The following HSPA4 variants were observed in gnomAD, a reference collection of about 807,000 sequenced individuals.
HSPA4 encodes the protein heat shock protein family A (Hsp70) member 4, also known as heat shock 70 kDa protein 4.
Under a neutral mutation model 106.2 loss-of-function variants are expected in HSPA4, and 25 were observed. The ratio of observed to expected loss-of-function variants is 0.24; its 90% CI spans 0.17 to 0.33. The LOEUF is 0.33. Ranked by LOEUF, HSPA4 falls within the 10% of genes least tolerant of loss-of-function variation. The pLI is 1.00. For synonymous variants in HSPA4, 332 were observed against 333.6 expected (o/e 1.00, Z 0.05); for missense variants, 841 against 996.0 (o/e 0.84, Z 2.10).
chr5:133,073,249 A>G lies in HSPA4; in HGVS notation c.449A>G (p.Asp150Gly), dbSNP rs1375295880. The G allele has an allele frequency of 3.7e-6, 6 of 1,605,178 alleles. No homozygotes were observed. The East Asian group carries it at 1.3e-4, about 36-fold the overall frequency. Residue 150 changes from aspartate to glycine, a missense_variant, in exon 5 of 19, where the codon GAT becomes GGT. Asp to Gly is a moderately conservative substitution (Grantham distance 94). Coordinates refer to ENST00000304858, the MANE Select transcript of HSPA4 (RefSeq NM_002154.4). Reference protein sequence around the residue: ...CVVSVPCFYTDAERRSVMDAT... With the variant: ...CVVSVPCFYTGAERRSVMDAT... ...TTGTAGGTTCCTTGTTTCTATACTG[A>G]TGCAGAAAGACGATCAGTGATGGAT...
At position 133,106,125 on chromosome 5, in the gene HSPA4, T is replaced by TGGGG. The variant is rs1281039975; in HGVS notation, c.*1689_*1690insGGGG. On this transcript the variant is annotated 3_prime_UTR_variant, in exon 19 of 19. Coordinates refer to ENST00000304858, the MANE Select transcript of HSPA4 (RefSeq NM_002154.4). ...AAATTTTTTTTTTTTTTTTTTTTTT[T>TGGGG]TTTTTTTTTTTTTTTGGTGTGTGTG... 2.4e-5 allele frequency: 2 copies of TGGGG among 81,824 alleles called. No individual in the cohort carries two copies. The highest frequency in any genetic ancestry group is 6.3e-5 in the African/African-American group (1 of 15,972). 5.1% of individuals were successfully genotyped at this position (81,824 alleles called of 1,614,324 possible). A position where few individuals can be genotyped will look rare whatever the true frequency, so the allele number is the denominator to read the frequency against.
intron 1 of HSPA4, among the ~76,000 whole-genome samples, chr5:133,062,990 T>G (rs997426035): frequency 6.6e-6 from 1 of 152,234 alleles, no homozygotes; most frequent in Admixed American, 6.5e-5. Flanking sequence ...TCTGTTGACT[T>G]GGAAGAATTA....
At chr5:133,101,671 A>G in intron 16 of HSPA4, 88 bp from the exon 17 acceptor site, 1 of 1,246,436 alleles carries the variant, frequency 8.0e-7, no homozygotes, top group Non-Finnish European at 1.1e-6. Context: ...GCACACGGAG[A>G]TTAAATGTAC....
rs142126509 is a variant in HSPA4, at chr5:133,094,026, G to A, written c.1650+1237G>A. ...GAGAATTGTTTGAACCTGGGAGATG[G>A]AGGTTATGTGAGCTGAGATTGTGCC... On this transcript the variant is annotated intron_variant, in intron 13 of 18. Transcript: ENST00000304858. 1.1e-3 allele frequency among the ~76,000 whole-genome samples: 169 copies of A among 152,288 alleles called. 1 individual carries two copies. Among genetic ancestry groups the A allele is most frequent in the African/African-American group, 4.0e-3 (166 of 41,570 alleles).
Position 133,052,168 on chromosome 5 carries a change from T to C in HSPA4, c.-83T>C. On this transcript the variant is annotated 5_prime_UTR_variant, in exon 1 of 19. Transcript: ENST00000304858. Reference sequence around the variant, plus strand: ...AGTAGCCTCGGCCCAAGAGGCCTGCTTTCCACTCGCTAGCCCCGCCGGGGG... The same window carrying C: ...AGTAGCCTCGGCCCAAGAGGCCTGCCTTCCACTCGCTAGCCCCGCCGGGGG... 1 of 956,158 alleles carries C rather than the reference T, an allele frequency of 1.0e-6. No individual in the cohort carries two copies. The allele number at this position is 956,158 out of a possible 1,614,324, so 59.2% of individuals were successfully genotyped here.
At position 133,091,269 on chromosome 5, in the gene HSPA4, T is replaced by G. The variant is rs1765644165; in HGVS notation, c.1455T>G (p.Asn485Lys). Residue 485 changes from asparagine to lysine, a missense_variant, in exon 12 of 19, where the codon AAT becomes AAG. This residue lies in a region of HSPA4 where 162 missense variants were observed against 177.7 expected (regional missense o/e 0.91). Transcript: ENST00000304858. ...AAGTGAAAGTCAAAGTTCGAGTAAA[T>G]GTCCATGGCATTTTCAGTGTGTCCA... ...SSKVKVKVRV[N>K]VHGIFSVSSA... 1 of 1,613,986 alleles carries G rather than the reference T, an allele frequency of 6.2e-7. No homozygotes were observed. The highest frequency in any genetic ancestry group is 1.3e-5 in the African/African-American group (1 of 74,924).
At position 133,080,366 on chromosome 5, in the gene HSPA4, GATCACACCAC is replaced by G. The variant is rs529568367; in HGVS notation, c.908+3471_908+3480del. On this transcript the variant is annotated intron_variant, in intron 7 of 18. Coordinates refer to ENST00000304858, the MANE Select transcript of HSPA4 (RefSeq NM_002154.4). ...GTAAGTCGAGGCTGCAGCGAACCAT[GATCACACCAC>G]ATTGCACTCCAGCCAGGGTGATGAG... 8.5e-5 allele frequency among the ~76,000 whole-genome samples: 11 copies of G among 128,970 alleles called. No individual in the cohort carries two copies. In the South Asian group the frequency reaches 2.7e-3, roughly 31 times the overall value. The allele number at this position is 128,970 out of a possible 152,430, so 84.6% of individuals were successfully genotyped here.
chr5:133,099,535 T>G lies in HSPA4; in HGVS notation c.1930-10T>G, dbSNP rs1276747732. On this transcript the variant is annotated splice_polypyrimidine_tract_variant and intron_variant, in intron 15 of 18. Coordinates refer to ENST00000304858, the MANE Select transcript of HSPA4 (RefSeq NM_002154.4). ...GATTGACCTAATTATAATATTTTCT[T>G]TATCATTAGGATCGTAACAGTTTTA... The G allele has an allele frequency of 7.0e-7, 1 of 1,424,764 alleles. No homozygotes were observed. Among genetic ancestry groups the G allele is most frequent in the South Asian group, 1.2e-5 (1 of 85,112 alleles). 88.3% of individuals were successfully genotyped at this position (1,424,764 alleles called of 1,614,324 possible).
At chr5:133,062,635 G>GTTGCGCATA (rs1164099227) in intron 1 of HSPA4, among the ~76,000 whole-genome samples, 1 of 152,158 alleles carries the variant, frequency 6.6e-6, no homozygotes, top group African/African-American at 2.4e-5. Flanking sequence ...TGGTGGCATA[G>GTTGCGCATA]TTGCAGAAAG....
chr5:133,069,754 A>G (rs1765357838), intron 3 of HSPA4, among the ~76,000 whole-genome samples: 2 of 152,198 alleles, frequency 1.3e-5, no homozygotes, highest in African/African-American at 2.4e-5. Context: ...CAGCCTCTTT[A>G]TGGAGGGACA....
In HSPA4 at chr5:133,089,250, A is replaced by G; in HGVS notation, c.1244+89A>G. 32 of 749,130 alleles carry G rather than the reference A, an allele frequency of 4.3e-5. No homozygotes were observed. The South Asian group carries it at 7.1e-4, about 17-fold the overall frequency. 46.4% of individuals were successfully genotyped at this position (749,130 alleles called of 1,614,324 possible). On this transcript the variant is annotated intron_variant, in intron 10 of 18. Transcript: ENST00000304858. ...TTGCTTTTCATTTCAGTTTACATAA[A>G]TCTGTAACATTTTATCATAGTGCAT...
At position 133,052,330 on chromosome 5, in the gene HSPA4, C is replaced by A; in HGVS notation, c.80C>A (p.Ala27Asp). The change falls in exon 1 of 19, where the codon GCT becomes GAT. Residue 27 changes from alanine to aspartate, a missense_variant. Around this residue, in one of 5 missense-constraint regions of HSPA4, gnomAD observed 347 missense variants for 408.7 expected, o/e 0.85. Transcript: ENST00000304858. Reference sequence around the variant, plus strand: ...CGCGCCGGCGGCATCGAGACTATCGCTAATGAGTATAGCGACCGCTGCACG... The same window carrying A: ...CGCGCCGGCGGCATCGAGACTATCGATAATGAGTATAGCGACCGCTGCACG... ...VARAGGIETI[A>D]NEYSDRCTPA... 1 of 1,580,276 alleles carries A rather than the reference C, an allele frequency of 6.3e-7. No individual in the cohort carries two copies. The highest frequency in any genetic ancestry group is 8.6e-7 in the Non-Finnish European group (1 of 1,165,696).
At chr5:133,086,427 C>G (rs937733732) in intron 7 of HSPA4, among the ~76,000 whole-genome samples, 9 of 152,164 alleles carry the variant, frequency 5.9e-5, no homozygotes, top group Non-Finnish European at 1.3e-4. Flanking sequence ...TGTATTCATT[C>G]ATTTGTATCG....
Position 133,103,898 on chromosome 5 carries a change from A to G in HSPA4, c.2191A>G (p.Met731Val), listed in dbSNP as rs1016976165. The G allele has an allele frequency of 8.7e-6, 14 of 1,614,034 alleles. No individual in the cohort carries two copies. The highest frequency in any genetic ancestry group is 1.1e-5 in the Non-Finnish European group (13 of 1,180,022). ...DQYDHLDAAD[M>V]TKVEKSTNEA... ...GTATGATCATTTGGATGCTGCTGAC[A>G]TGACAAAGGTAGAAAAAAGCACAAA... Residue 731 changes from methionine to valine, a missense_variant, in exon 18 of 19, where the codon ATG becomes GTG. Around this residue, in one of 5 missense-constraint regions of HSPA4, gnomAD observed 328 missense variants for 372.2 expected, o/e 0.88. Transcript: ENST00000304858.
intron 2 of HSPA4, among the ~76,000 whole-genome samples, 188 bp from the exon 3 acceptor site, chr5:133,067,229 A>T (rs1237699008): frequency 2.6e-5 from 4 of 152,184 alleles, no homozygotes; most frequent in Non-Finnish European, 5.9e-5. Context: ...TCTGAGACCC[A>T]TGCAAATCCC....
chr5:133,080,471 T>C (rs2126706235), intron 7 of HSPA4, among the ~76,000 whole-genome samples: 1 of 150,540 alleles, frequency 6.6e-6, no homozygotes, highest in East Asian at 1.9e-4. Context: ...TATATTTTGA[T>C]GTTGGTTATT....
At chr5:133,101,077 A>T (rs1765778955) in intron 16 of HSPA4, among the ~76,000 whole-genome samples, 2 of 152,168 alleles carry the variant, frequency 1.3e-5, no homozygotes, top group African/African-American at 4.8e-5. Context: ...AAGTGCTGGG[A>T]TTACAGGCAT....
At position 133,092,806 on chromosome 5, in the gene HSPA4, G is replaced by GT. The variant is rs57230598; in HGVS notation, c.1650+49dup. On this transcript the variant is annotated intron_variant, in intron 13 of 18. Transcript: ENST00000304858. ...GAAATGGAGGTATGCATTGGGTGGT[G>GT]TTTTTTTTTTTTTTTTTTTTTTTTT... is the stretch of plus-strand genomic sequence containing the variant. 2,285 of 472,456 alleles carry GT rather than the reference G, an allele frequency of 4.8e-3. 30 individuals carry two copies. Among genetic ancestry groups the GT allele is most frequent in the East Asian group, 9.4e-3 (122 of 12,976 alleles). The allele number at this position is 472,456 out of a possible 1,614,324, so 29.3% of individuals were successfully genotyped here.
intron 7 of HSPA4, 71 bp from the exon 8 acceptor site, chr5:133,086,711 C>T (rs1417570651): frequency 9.8e-7 from 1 of 1,023,984 alleles, no homozygotes; most frequent in African/African-American, 1.6e-5. Flanking sequence ...TTTATTATAG[C>T]CATCCATTCC....
Sources: gnomAD v4.1 joint callset for allele counts (sites outside exome capture counted in the v4.1 genomes callset) on GRCh38, gnomAD v4.1.1 for gene constraint, gnomAD v4.1.1 regional missense constraint, MANE v1.5 for transcripts, NCBI Gene and HGNC (gene_info 2026-07-23, HGNC 2026-07-21) for gene names.